The following CIP2A variants were observed in gnomAD, a reference collection of about 807,000 sequenced individuals.
CIP2A encodes cellular inhibitor of PP2A.
CIP2A carries 103 observed loss-of-function variants against 110.9 expected under a neutral mutation model. That is an observed-to-expected ratio of 0.93 (90% CI 0.79 to 1.09). The LOEUF is 1.09. Ranked by LOEUF, CIP2A falls within the 50% of genes least tolerant of loss-of-function variation. The pLI, the probability that CIP2A is intolerant of heterozygous loss-of-function variation, is 0.00. For synonymous variants in CIP2A, 381 were observed against 361.6 expected (o/e 1.05, Z -0.61); for missense variants, 1,088 against 1,038.4 (o/e 1.05, Z -0.66).
intron 9 of CIP2A, 112 bp from the exon 10 acceptor site, chr3:108,568,426 A>G (rs1018485625): frequency 5.0e-6 from 4 of 796,846 alleles, no homozygotes; most frequent in East Asian, 2.9e-5. Flanking sequence ...TTCCTTCAAT[A>G]TGCCATTGAC....
At chr3:108,578,313 G>A (rs903128192) in intron 7 of CIP2A, among the ~76,000 whole-genome samples, 1 of 152,120 alleles carries the variant, frequency 6.6e-6, no homozygotes, top group African/African-American at 2.4e-5. Flanking sequence ...ATGGATATTG[G>A]GAGAATCTCA....
At chr3:108,584,830 A>G in intron 2 of CIP2A, 1 of 349,814 alleles carries the variant, frequency 2.9e-6, no homozygotes, top group Non-Finnish European at 5.1e-6. Context: ...AGATAGAAAA[A>G]GCAACATCAG....
Position 108,583,688 on chromosome 3 carries a change from A to G in CIP2A, c.251-605T>C, listed in dbSNP as rs557230433. Reference sequence around the variant, plus strand: ...GGATATAAACACACAATCAGATGGAATAAGTTCTAATGTTTGATAGTAGAG... The same window carrying G: ...GGATATAAACACACAATCAGATGGAGTAAGTTCTAATGTTTGATAGTAGAG... On this transcript the variant is annotated intron_variant, in intron 2 of 20. Coordinates refer to ENST00000295746, the MANE Select transcript of CIP2A (RefSeq NM_020890.3). Among the ~76,000 whole-genome samples the G allele has an allele frequency of 2.0e-5, 3 of 152,292 alleles. No individual in the cohort carries two copies. The South Asian group carries it at 6.2e-4, about 32-fold the overall frequency.
At chr3:108,580,436 A>AACACACACACACACACACACACAC (rs375166090) in intron 5 of CIP2A, among the ~76,000 whole-genome samples, 7 of 142,260 alleles carry the variant, frequency 4.9e-5, no homozygotes, top group Non-Finnish European at 7.7e-5. Context: ...CAGAAATTGA[A>AACACACACACACACACACACACAC]ACACACACAC....
At position 108,563,121 on chromosome 3, in the gene CIP2A, C is replaced by T; in HGVS notation, c.1634+5G>A. 2 of 1,564,520 alleles carry T rather than the reference C, an allele frequency of 1.3e-6. No individual in the cohort carries two copies. The highest frequency in any genetic ancestry group is 1.8e-6 in the Non-Finnish European group (2 of 1,135,150). On this transcript the variant is annotated splice_donor_5th_base_variant and intron_variant, in intron 13 of 20. Transcript: ENST00000295746. ...AGAGATACACTGCAAATGATTACAACTCACACTAAAGCAGGAAAATCTGGC... is the reference window on the plus strand; with the variant it reads ...AGAGATACACTGCAAATGATTACAATTCACACTAAAGCAGGAAAATCTGGC...
chr3:108,581,552 TA>T, intron 4 of CIP2A, 41 bp from the exon 5 acceptor site: 1 of 1,225,568 alleles, frequency 8.2e-7, no homozygotes. Context: ...GAAAAAATAG[TA>T]AAAGAAAAAA....
At chr3:108,556,411 T>A (rs1166335734) in intron 17 of CIP2A, among the ~76,000 whole-genome samples, 7 of 152,106 alleles carry the variant, frequency 4.6e-5, no homozygotes, top group African/African-American at 1.7e-4. Context: ...CCTAAAAAGA[T>A]AAAAGAGTTT....
intron 8 of CIP2A, among the ~76,000 whole-genome samples, chr3:108,571,203 C>CT (rs1191045328): frequency 2.6e-5 from 4 of 152,100 alleles, no homozygotes; most frequent in Non-Finnish European, 4.4e-5. Flanking sequence ...TTACAGTTAA[C>CT]TTTTTTATAA....
chr3:108,587,612 T>C (rs1036256352), intron 1 of CIP2A, among the ~76,000 whole-genome samples: 5 of 152,234 alleles, frequency 3.3e-5, no homozygotes, highest in African/African-American at 1.2e-4. Context: ...TAATGCACTT[T>C]ATGCTCTGTA....
intron 11 of CIP2A, 57 bp downstream of exon 11, chr3:108,566,440 C>T (rs1938183663): frequency 1.4e-6 from 2 of 1,396,840 alleles, no homozygotes; most frequent in African/African-American, 1.5e-5. Flanking sequence ...TGAGAATCAC[C>T]ACATCTTTCG....
intron 7 of CIP2A, among the ~76,000 whole-genome samples, chr3:108,578,935 A>G (rs1938769926): frequency 6.6e-6 from 1 of 152,122 alleles, no homozygotes; most frequent in Non-Finnish European, 1.5e-5. Flanking sequence ...ATTTATTTTT[A>G]TTGTTCCTAT....
chr3:108,565,354 C>A lies in CIP2A; in HGVS notation c.1515+1G>T, dbSNP rs2107329332. On this transcript the variant is annotated splice_donor_variant, in intron 12 of 20. Transcript: ENST00000295746. LOFTEE classifies it high-confidence loss of function. ...TCAATGTTTGAAGAGTTTAAACTCA[C>A]CTGAAGTATTTTGTAGAAGCTTACT... The A allele has an allele frequency of 6.7e-7, 1 of 1,498,700 alleles. No homozygotes were observed. The allele number at this position is 1,498,700 out of a possible 1,614,324, so 92.8% of individuals were successfully genotyped here. A position where few individuals can be genotyped will look rare whatever the true frequency, so the allele number is the denominator to read the frequency against.
At position 108,559,857 on chromosome 3, in the gene CIP2A, C is replaced by G. The variant is rs1361850642; in HGVS notation, c.1913G>C (p.Ser638Thr). 1.2e-6 allele frequency: 2 copies of G among 1,606,016 alleles called. No individual in the cohort carries two copies. Among genetic ancestry groups the G allele is most frequent in the South Asian group, 2.2e-5 (2 of 90,392 alleles). The change falls in exon 16 of 21, where the codon AGC (serine) becomes ACC (threonine). Residue 638 changes from serine to threonine, a missense_variant. By Grantham distance (58) the Ser-to-Thr change is moderately conservative. Coordinates refer to ENST00000295746, the MANE Select transcript of CIP2A (RefSeq NM_020890.3). Reference sequence around the variant, plus strand: ...TGTTTCCAAAAGATCTTGTAGCCTGCTTTCTTTGGACTACAAGAAAACATA... The same window carrying G: ...TGTTTCCAAAAGATCTTGTAGCCTGGTTTCTTTGGACTACAAGAAAACATA... Reference protein sequence around the residue: ...MKLSTLASKESRLQDLLETKA... With the variant: ...MKLSTLASKETRLQDLLETKA...
chr3:108,560,861 A>AG lies in CIP2A; in HGVS notation c.1635-21dup. 6.7e-7 allele frequency: 1 copy of AG among 1,497,494 alleles called. No individual in the cohort carries two copies. The highest frequency in any genetic ancestry group is 8.9e-7 in the Non-Finnish European group (1 of 1,118,698). The allele number at this position is 1,497,494 out of a possible 1,614,324, so 92.8% of individuals were successfully genotyped here. Reference sequence around the variant, plus strand: ...CCAAGTCTGAATGGGAGTCAAAGAAAGGAAAAAAAAATTATACGAAAATAG... The same window carrying AG: ...CCAAGTCTGAATGGGAGTCAAAGAAAGGGAAAAAAAAATTATACGAAAATAG... On this transcript the variant is annotated intron_variant, in intron 13 of 20. Transcript: ENST00000295746.
intron 8 of CIP2A, among the ~76,000 whole-genome samples, chr3:108,573,238 C>A (rs957335346): frequency 9.2e-5 from 14 of 151,772 alleles, no homozygotes; most frequent in African/African-American, 3.1e-4. Flanking sequence ...AGATATTGAG[C>A]TATAATTTTC....
Position 108,566,570 on chromosome 3 carries a change from G to C in CIP2A, c.1342C>G (p.Leu448Val). The change falls in exon 11 of 21, where the codon CTT (leucine) becomes GTT (valine). Residue 448 changes from leucine (L) to valine (V), a missense_variant. Physicochemically the swap from Leu to Val is conservative, Grantham distance 32. Transcript: ENST00000295746. Reference sequence around the variant, plus strand: ...CCATATGTAAATTGTTGTTCTATAAGAGTGGTACACTTGACAGTTGTCAAG... The same window carrying C: ...CCATATGTAAATTGTTGTTCTATAACAGTGGTACACTTGACAGTTGTCAAG... ...KILTTVKCTTLIEQQFTYGKI... is the reference protein window; with the variant it reads ...KILTTVKCTTVIEQQFTYGKI... 6.2e-7 allele frequency: 1 copy of C among 1,606,890 alleles called. No individual in the cohort carries two copies. Among genetic ancestry groups the C allele is most frequent in the Non-Finnish European group, 8.5e-7 (1 of 1,176,116 alleles).
intron 9 of CIP2A, 131 bp from the exon 10 acceptor site, chr3:108,568,445 C>CA: frequency 1.7e-6 from 1 of 583,548 alleles, no homozygotes; most frequent in Admixed American, 3.8e-5. Flanking sequence ...ACCTAAGTCT[C>CA]CTGTGAATAT....
chr3:108,554,270 G>A, intron 18 of CIP2A, 106 bp downstream of exon 18: 1 of 547,438 alleles, frequency 1.8e-6, no homozygotes, highest in Non-Finnish European at 3.2e-6. Flanking sequence ...TAAAATAAGT[G>A]ACAATTCTAT....
At chr3:108,572,794 T>C (rs2688260) in intron 8 of CIP2A, among the ~76,000 whole-genome samples, 151,984 of 152,164 alleles carry the variant, frequency 1, 75,902 homozygotes, top group Middle Eastern at 1. Flanking sequence ...AATCTCTATA[T>C]CTTTTTAATT....
Sources: gnomAD v4.1 joint callset for allele counts (sites outside exome capture counted in the v4.1 genomes callset) on GRCh38, gnomAD v4.1.1 for gene constraint, MANE v1.5 for transcripts, NCBI Gene and HGNC (gene_info 2026-07-23, HGNC 2026-07-21) for gene names.